The following SRGAP3 variants were observed in gnomAD, a reference collection of about 807,000 sequenced individuals.
SRGAP3 encodes the protein SLIT-ROBO Rho GTPase-activating protein 3.
Under a neutral mutation model 121.1 loss-of-function variants are expected in SRGAP3, and 39 were observed. The observed-to-expected ratio is 0.32, with a 90% CI of 0.25 to 0.42. The LOEUF is 0.42. SRGAP3 is among the 10% of genes least tolerant of loss of function. SRGAP3 has a pLI of 1.00. For missense variants in SRGAP3, 1,213 were observed against 1,470.6 expected (o/e 0.82, Z 2.86); for synonymous variants, 601 against 570.0 (o/e 1.05, Z -0.77).
chr3:9,256,635 G>A (rs1239496091), intron 3 of SRGAP3: 1 of 394,584 alleles, frequency 2.5e-6, no homozygotes. Flanking sequence ...ACCTTAGTCT[G>A]ATGCACATTT....
chr3:9,256,491 G>A (rs113019332), intron 3 of SRGAP3, among the ~76,000 whole-genome samples: 5 of 151,710 alleles, frequency 3.3e-5, no homozygotes, highest in Non-Finnish European at 7.4e-5. Flanking sequence ...CTGTGGATAT[G>A]CACCTAAACC....
chr3:9,286,319 G>T (rs1477808806), intron 3 of SRGAP3, among the ~76,000 whole-genome samples: 1 of 151,992 alleles, frequency 6.6e-6, no homozygotes, highest in East Asian at 1.9e-4. Context: ...CTTCCAGCAT[G>T]CCCCCCAACA....
At chr3:9,115,334 A>G (rs918090251) in intron 2 of SRGAP3, among the ~76,000 whole-genome samples, 3 of 152,246 alleles carry the variant, frequency 2.0e-5, no homozygotes, top group Non-Finnish European at 2.9e-5. Flanking sequence ...AATAGCATCA[A>G]AACTAAACCC....
In SRGAP3 at chr3:9,362,162, CTTTTTTTTTTTTT is replaced by C. The variant is rs36036357; in HGVS notation, n.214+665_214+677del. Reference sequence around the variant, plus strand: ...AAATGGCTACCATGCAGGTTCAACTCTTTTTTTTTTTTTTTTTTTTTTTTTTTGAGATGATGTC... The same window carrying C: ...AAATGGCTACCATGCAGGTTCAACTCTTTTTTTTTTTTTTGAGATGATGTC... On this transcript the variant is annotated intron_variant and non_coding_transcript_variant, in intron 1 of 3. Coordinates refer to the SRGAP3 transcript ENST00000490889. 8.9e-3 allele frequency among the ~76,000 whole-genome samples: 811 copies of C among 90,994 alleles called. 3 individuals carry two copies. The highest frequency in any genetic ancestry group is 0.019 in the Admixed American group (154 of 8,246). 59.7% of individuals were successfully genotyped at this position (90,994 alleles called of 152,430 possible).
chr3:9,105,165 T>G lies in SRGAP3; in HGVS notation c.261-323A>C, dbSNP rs1948374997. Among the ~76,000 whole-genome samples the G allele has an allele frequency of 2.0e-5, 3 of 152,368 alleles. No homozygotes were observed. The South Asian group carries it at 6.2e-4, about 32-fold the overall frequency. On this transcript the variant is annotated intron_variant, in intron 2 of 21. Transcript: ENST00000383836. The stretch of plus-strand genomic sequence containing the variant: ...GGGCTAAGAAATACTAAACCAATTG[T>G]TTTTTAAATATTATACTTGTATGAT...
chr3:9,007,520 T>C (rs1943141386), intron 18 of SRGAP3: 1 of 152,180 alleles, frequency 6.6e-6, no homozygotes, highest in African/African-American at 2.4e-5. Flanking sequence ...GAGGTTCTGG[T>C]TGCCAATGAC....
intron 10 of SRGAP3, among the ~76,000 whole-genome samples, chr3:9,039,766 C>T (rs1373105506): frequency 6.6e-6 from 1 of 152,210 alleles, no homozygotes; most frequent in Non-Finnish European, 1.5e-5. Context: ...GCTTCTTTCA[C>T]TTAGCATAAA....
intron 3 of SRGAP3, among the ~76,000 whole-genome samples, chr3:9,309,924 T>C (rs1955215176): frequency 6.6e-6 from 1 of 152,114 alleles, no homozygotes; most frequent in Non-Finnish European, 1.5e-5. Flanking sequence ...ATTCATGCAA[T>C]AAATATTTAC....
At position 8,992,922 on chromosome 3, in the gene SRGAP3, C is replaced by A. The variant is rs537082550; in HGVS notation, c.2542G>T (p.Gly848Trp). Reference sequence around the variant, plus strand: ...ATATCCTACCGGCCCATCACCCCCCCAAAGCCGTAATCCGAGATGTGCTCC... The same window carrying A: ...ATATCCTACCGGCCCATCACCCCCCAAAAGCCGTAATCCGAGATGTGCTCC... ...PTEHISDYGFGGVMGRVRLRS... is the reference protein window; with the variant it reads ...PTEHISDYGFWGVMGRVRLRS... The change falls in exon 20 of 22, where the codon GGG becomes TGG. Residue 848 changes from glycine (G) to tryptophan (W), a missense_variant. Physicochemically the swap from Gly to Trp is radical, Grantham distance 184. Around this residue, in one of 2 missense-constraint regions of SRGAP3, gnomAD observed 420 missense variants for 437.7 expected, o/e 0.96. Coordinates refer to ENST00000383836, the MANE Select transcript of SRGAP3 (RefSeq NM_014850.4). The A allele has an allele frequency of 3.9e-5, 63 of 1,614,216 alleles. No individual in the cohort carries two copies. The highest frequency in any genetic ancestry group is 1.0e-4 in the Admixed American group (6 of 60,032).
At chr3:9,102,348 T>C (rs1008795095) in intron 3 of SRGAP3, among the ~76,000 whole-genome samples, 2 of 152,194 alleles carry the variant, frequency 1.3e-5, no homozygotes, top group African/African-American at 4.8e-5. Context: ...TAGGCAGTTC[T>C]GAGACAAACT....
At position 9,228,207 on chromosome 3, in the gene SRGAP3, G is replaced by A. The variant is rs572142280; in HGVS notation, c.67+20678C>T. ...AGAGCTTCTGGGATAGGGAGGTGTAGGGGCTCAAGAGCACATACCTTGTCT... is the reference window on the plus strand; with the variant it reads ...AGAGCTTCTGGGATAGGGAGGTGTAAGGGCTCAAGAGCACATACCTTGTCT... On this transcript the variant is annotated intron_variant, in intron 1 of 21. Coordinates refer to ENST00000383836, the MANE Select transcript of SRGAP3 (RefSeq NM_014850.4). Among the ~76,000 whole-genome samples the A allele has an allele frequency of 3.9e-5, 6 of 152,252 alleles. No individual in the cohort carries two copies. The East Asian group carries it at 5.8e-4, about 15-fold the overall frequency.
At chr3:9,292,363 A>G (rs1169993606) in intron 3 of SRGAP3, among the ~76,000 whole-genome samples, 1 of 152,146 alleles carries the variant, frequency 6.6e-6, no homozygotes, top group Non-Finnish European at 1.5e-5. Flanking sequence ...TCAATCCTAT[A>G]CATCGTTCAA....
intron 18 of SRGAP3, among the ~76,000 whole-genome samples, chr3:9,001,097 A>C (rs1288014102): frequency 6.6e-6 from 1 of 152,222 alleles, no homozygotes; most frequent in Non-Finnish European, 1.5e-5. Context: ...AGGGGAGGGG[A>C]TATGGGGAGC....
At chr3:8,998,054 T>C (rs1421007624) in intron 18 of SRGAP3, among the ~76,000 whole-genome samples, 2 of 152,064 alleles carry the variant, frequency 1.3e-5, no homozygotes, top group Non-Finnish European at 2.9e-5. Flanking sequence ...GCTAATTTTT[T>C]AAGTTTTTGT....
intron 2 of SRGAP3, among the ~76,000 whole-genome samples, chr3:9,115,446 G>A (rs1019224417): frequency 7.9e-5 from 12 of 152,018 alleles, no homozygotes; most frequent in Admixed American, 5.2e-4. Context: ...CAAAGTATAT[G>A]CATGCATAAA....
chr3:9,274,344 C>T (rs1429187130), intron 3 of SRGAP3, among the ~76,000 whole-genome samples: 1 of 152,236 alleles, frequency 6.6e-6, no homozygotes, highest in African/African-American at 2.4e-5. Context: ...CCAGCTGCTT[C>T]AGCACTGACA....
At chr3:9,300,222 G>A (rs1444480774) in intron 3 of SRGAP3, among the ~76,000 whole-genome samples, 2 of 1,072 alleles carry the variant, frequency 1.9e-3, no homozygotes, top group Non-Finnish European at 4.9e-3. Flanking sequence ...ATCAACTTGT[G>A]CTGCCTGACT....
chr3:9,252,954 G>T (rs566938029), upstream of SRGAP3, among the ~76,000 whole-genome samples: 27 of 152,106 alleles, frequency 1.8e-4, no homozygotes, highest in African/African-American at 6.3e-4. Context: ...ATTTCCTTGG[G>T]GCTCATCTCC....
chr3:9,287,679 T>C (rs1954799474), intron 3 of SRGAP3, among the ~76,000 whole-genome samples: 1 of 152,168 alleles, frequency 6.6e-6, no homozygotes, highest in Non-Finnish European at 1.5e-5. Context: ...GAGTGATGGG[T>C]ACACTAAAAG....
Sources: gnomAD v4.1 joint callset for allele counts (sites outside exome capture counted in the v4.1 genomes callset) on GRCh38, gnomAD v4.1.1 for gene constraint, gnomAD v4.1.1 regional missense constraint, MANE v1.5 for transcripts, NCBI Gene and HGNC (gene_info 2026-07-23, HGNC 2026-07-21) for gene names.